The following PMFBP1 variants were observed in gnomAD, a reference collection of about 807,000 sequenced individuals.
PMFBP1 encodes the protein polyamine-modulated factor 1-binding protein 1.
In PMFBP1, 131 loss-of-function variants were observed where a neutral mutation model predicts 137.8. The observed-to-expected ratio is 0.95, with a 90% CI of 0.82 to 1.10. PMFBP1 has a LOEUF of 1.10. Ranked by LOEUF, PMFBP1 falls within the 50% of genes least tolerant of loss-of-function variation. PMFBP1 has a pLI of 0.00. For synonymous variants in PMFBP1, 490 were observed against 450.4 expected, an observed-to-expected ratio of 1.09 and a Z score of -1.11; for missense variants, 1,199 against 1,175.4, an observed-to-expected ratio of 1.02 and a Z score of -0.29.
chr16:72,205,606 T>C, the PMFBP1 span, among the ~76,000 whole-genome samples: 5 of 152,148 alleles, frequency 3.3e-5, no homozygotes, highest in African/African-American at 4.8e-5. Flanking sequence ...ACTAGGATAA[T>C]GATGCAAAGA....
the PMFBP1 span, among the ~76,000 whole-genome samples, chr16:72,239,319 C>G: frequency 1.3e-5 from 2 of 152,140 alleles, no homozygotes; most frequent in Non-Finnish European, 1.5e-5. Context: ...TCAGTTTGTT[C>G]TTTTGTAACC....
intron 4 of PMFBP1, among the ~76,000 whole-genome samples, chr16:72,152,799 C>T (rs536789371): frequency 5.7e-5 from 8 of 140,662 alleles, no homozygotes; most frequent in African/African-American, 1.6e-4. Context: ...GAGCCAAGAT[C>T]GGGCCAATGC....
At chr16:72,145,239 G>A (rs541258858) in intron 5 of PMFBP1, among the ~76,000 whole-genome samples, 1 of 152,114 alleles carries the variant, frequency 6.6e-6, no homozygotes, top group Non-Finnish European at 1.5e-5. Flanking sequence ...ACTCAAAACC[G>A]CACAACTGCA....
chr16:72,154,075 A>G, intron 4 of PMFBP1, 136 bp downstream of exon 4: 2 of 1,171,104 alleles, frequency 1.7e-6, no homozygotes, highest in Non-Finnish European at 2.4e-6. Context: ...CAAGAATTAA[A>G]GGGGGAAGGT....
At chr16:72,236,425 T>C in the PMFBP1 span, among the ~76,000 whole-genome samples, 1 of 152,340 alleles carries the variant, frequency 6.6e-6, no homozygotes, top group East Asian at 1.9e-4. Context: ...AGGAACTTGC[T>C]AGTTTGTAAG....
At chr16:72,183,967 G>A in the PMFBP1 span, among the ~76,000 whole-genome samples, 1 of 152,034 alleles carries the variant, frequency 6.6e-6, no homozygotes, top group Non-Finnish European at 1.5e-5. Flanking sequence ...GCCCTTTTTG[G>A]TCCTTATTGT....
chr16:72,242,937 C>A, the PMFBP1 span, among the ~76,000 whole-genome samples: 1 of 152,166 alleles, frequency 6.6e-6, no homozygotes, highest in Non-Finnish European at 1.5e-5. Flanking sequence ...TCATATTGAG[C>A]CCTGGGTGGG....
At chr16:72,129,356 A>G in intron 12 of PMFBP1, 123 bp from the exon 13 acceptor site, 1 of 1,103,362 alleles carries the variant, frequency 9.1e-7, no homozygotes, top group Non-Finnish European at 1.2e-6. Context: ...TTAGTTATAT[A>G]GCATATGTAA....
At chr16:72,144,280 T>G (rs80317391) in intron 5 of PMFBP1, among the ~76,000 whole-genome samples, 1,555 of 151,782 alleles carry the variant, frequency 0.01, 11 homozygotes, top group Non-Finnish European at 0.015. Flanking sequence ...TCAACATAAA[T>G]CTAAATTTCA....
the PMFBP1 span, among the ~76,000 whole-genome samples, chr16:72,182,017 A>T: frequency 1 from 151,931 of 152,356 alleles, 75,754 homozygotes; most frequent in Middle Eastern, 1. Flanking sequence ...AATTTACGAA[A>T]TTGTGTTGGG....
Position 72,129,156 on chromosome 16 carries a change from C to G in PMFBP1, c.1860G>C (p.Arg620=). Residue 620 remains arginine, a synonymous_variant, in exon 13 of 21, where the codon CGG becomes CGC. Transcript: ENST00000237353. ...GCTCTTTGCTCTTCTTCAACTGCTCCCGTTTGTCCTCCAGAAGCTTTGTGG... is the reference window on the plus strand; with the variant it reads ...GCTCTTTGCTCTTCTTCAACTGCTCGCGTTTGTCCTCCAGAAGCTTTGTGG... ...QEATKLLEDK[R]EQLKKSKEHE... 6.2e-7 allele frequency: 1 copy of G among 1,614,218 alleles called. No individual in the cohort carries two copies. The highest frequency in any genetic ancestry group is 1.3e-5 in the African/African-American group (1 of 75,072).
chr16:72,176,421 T>A (rs2043259678), upstream of PMFBP1, among the ~76,000 whole-genome samples: 1 of 152,274 alleles, frequency 6.6e-6, no homozygotes, highest in South Asian at 2.1e-4. Context: ...GGGATGTGCA[T>A]GCACTCATCT....
chr16:72,178,061 T>G (rs545662631), upstream of PMFBP1, among the ~76,000 whole-genome samples: 1 of 152,188 alleles, frequency 6.6e-6, no homozygotes, highest in South Asian at 2.1e-4. Context: ...CTGGCTAATT[T>G]TTGTATTTTT....
intron 5 of PMFBP1, among the ~76,000 whole-genome samples, chr16:72,144,139 G>A (rs942383712): frequency 1.1e-4 from 16 of 151,710 alleles, no homozygotes; most frequent in African/African-American, 3.9e-4. Context: ...CAAGAAATAC[G>A]TGAGATCTAC....
intron 3 of PMFBP1, among the ~76,000 whole-genome samples, chr16:72,157,151 G>A (rs1260910741): frequency 1.6e-5 from 2 of 127,764 alleles, no homozygotes; most frequent in Non-Finnish European, 3.1e-5. Flanking sequence ...ACCACTGCAC[G>A]CCAGCCTGGG....
At chr16:72,248,278 T>G in the PMFBP1 span, among the ~76,000 whole-genome samples, 2 of 152,230 alleles carry the variant, frequency 1.3e-5, no homozygotes, top group African/African-American at 4.8e-5. Context: ...TGTTGGACAC[T>G]TAAAACTTTA....
At chr16:72,133,095 C>T in intron 9 of PMFBP1, 104 bp from the exon 10 acceptor site, 1 of 1,429,288 alleles carries the variant, frequency 7.0e-7, no homozygotes, top group Admixed American at 1.9e-5. Context: ...GCATCCCCTG[C>T]CTGGACATTG....
chr16:72,225,341 C>T, the PMFBP1 span, among the ~76,000 whole-genome samples: 1 of 152,118 alleles, frequency 6.6e-6, no homozygotes, highest in African/African-American at 2.4e-5. Flanking sequence ...CGAGGTCAAG[C>T]TTACCACCTT....
chr16:72,242,973 C>T, the PMFBP1 span, among the ~76,000 whole-genome samples: 1 of 152,162 alleles, frequency 6.6e-6, no homozygotes, highest in Non-Finnish European at 1.5e-5. Flanking sequence ...TGTGTTGTAT[C>T]GTCAGCATGA....
Sources: gnomAD v4.1 joint callset for allele counts (sites outside exome capture counted in the v4.1 genomes callset) on GRCh38, gnomAD v4.1.1 for gene constraint, MANE v1.5 for transcripts, NCBI Gene and HGNC (gene_info 2026-07-23, HGNC 2026-07-21) for gene names.